Variants in HNF4A observed in about 807,000 individuals in gnomAD.
HNF4A encodes hepatocyte nuclear factor 4 alpha, also known as hepatocyte nuclear factor 4-alpha.
HNF4A carries 15 observed loss-of-function variants against 52.4 expected under a neutral mutation model. The observed-to-expected ratio is 0.29, with a 90% CI of 0.19 to 0.44. The LOEUF (loss-of-function observed/expected upper bound fraction) is 0.44, where lower values mean the gene tolerates loss of function less well. HNF4A is among the 20% of genes least tolerant of loss of function. HNF4A has a pLI of 1.00. For missense variants in HNF4A, 479 were observed against 647.2 expected (o/e 0.74, Z 2.82); for synonymous variants, 280 against 264.4 (o/e 1.06, Z -0.57).
chr20:44,356,909 G>T (rs747526269), intron 1 of HNF4A, among the ~76,000 whole-genome samples: 1 of 152,114 alleles, frequency 6.6e-6, no homozygotes, highest in Non-Finnish European at 1.5e-5. Flanking sequence ...TCTGTCACAC[G>T]GCTCAACATT....
chr20:44,384,622 A>G (rs567457564), intron 1 of HNF4A: 1 of 152,200 alleles, frequency 6.6e-6, no homozygotes, highest in Non-Finnish European at 1.5e-5. Context: ...ACTGGCCTTT[A>G]AAGCTTCTGC....
intron 1 of HNF4A, among the ~76,000 whole-genome samples, chr20:44,365,664 C>CTTAAAA (rs1330420814): frequency 6.6e-6 from 1 of 152,096 alleles, no homozygotes; most frequent in Non-Finnish European, 1.5e-5. Context: ...AAATGAAATT[C>CTTAAAA]TTAAAATTTA....
chr20:44,368,086 ATGTGTGTGTGTGTG>A, intron 1 of HNF4A, among the ~76,000 whole-genome samples: 3 of 102,252 alleles, frequency 2.9e-5, no homozygotes, highest in Middle Eastern at 5.0e-3. Context: ...ATATATATAT[ATGTGTGTGTGTGTG>A]TGTGTGTGTG....
intron 1 of HNF4A, among the ~76,000 whole-genome samples, chr20:44,392,261 G>A (rs1000108655): frequency 2.6e-5 from 4 of 152,140 alleles, no homozygotes; most frequent in African/African-American, 4.8e-5. Context: ...GATTTTGTGA[G>A]GAAACGATCA....
At chr20:44,372,641 G>A (rs1174626622) in intron 1 of HNF4A, 2 of 152,124 alleles carry the variant, frequency 1.3e-5, no homozygotes, top group Admixed American at 6.5e-5. Context: ...TAATTTGGGA[G>A]GTGGAGTTGG....
At chr20:44,420,591 C>T (rs2063730702) in intron 7 of HNF4A, among the ~76,000 whole-genome samples, 1 of 152,030 alleles carries the variant, frequency 6.6e-6, no homozygotes, top group Admixed American at 6.6e-5. Context: ...GCCAGCCTGG[C>T]CAACATAACA....
At chr20:44,413,602 A>T in intron 3 of HNF4A, 92 bp from the exon 4 acceptor site, 1 of 755,736 alleles carries the variant, frequency 1.3e-6, no homozygotes. Context: ...GACACCCCCC[A>T]CCTCCTGCTC....
intron 2 of HNF4A, among the ~76,000 whole-genome samples, chr20:44,406,688 G>A (rs150373196): frequency 1.1e-3 from 169 of 152,306 alleles, no homozygotes; most frequent in South Asian, 8.1e-3. Flanking sequence ...GCCCTCTTTC[G>A]AAAGCATCTC....
In HNF4A at chr20:44,401,321, C is replaced by A; in HGVS notation, c.-52C>A. 1 of 922,396 alleles carries A rather than the reference C, an allele frequency of 1.1e-6. No homozygotes were observed. Among genetic ancestry groups the A allele is most frequent in the Admixed American group, 1.8e-5 (1 of 55,046 alleles). The allele number at this position is 922,396 out of a possible 1,614,324, so 57.1% of individuals were successfully genotyped here. A position where few individuals can be genotyped will look rare whatever the true frequency, so the allele number is the denominator to read the frequency against. On this transcript the variant is annotated 5_prime_UTR_variant, in exon 1 of 10. Coordinates refer to ENST00000316099, the MANE Select transcript of HNF4A (RefSeq NM_000457.6). ...TGGGAGGGCGGAGGGCGGGGGCCTT[C>A]GGGGTGGGCGCCCAGGGTAGGGCAG... is the stretch of plus-strand genomic sequence containing the variant.
At chr20:44,384,321 AT>A (rs2146266016) in intron 1 of HNF4A, among the ~76,000 whole-genome samples, 1 of 152,226 alleles carries the variant, frequency 6.6e-6, no homozygotes, top group African/African-American at 2.4e-5. Context: ...TAGTAATAAT[AT>A]TTCTTTCTAA....
intron 1 of HNF4A, among the ~76,000 whole-genome samples, chr20:44,382,246 T>TG (rs2063163921): frequency 5.2e-5 from 2 of 38,200 alleles, no homozygotes; most frequent in African/African-American, 2.2e-4. Flanking sequence ...TCTTTCTTTC[T>TG]TTTTTTTTTT....
intron 1 of HNF4A, chr20:44,402,476 A>T: frequency 9.9e-7 from 1 of 1,012,714 alleles, no homozygotes; most frequent in Non-Finnish European, 1.4e-6. Context: ...GACTGCACAG[A>T]CCCAAATGCA....
At chr20:44,358,532 C>T (rs1399353321) in intron 1 of HNF4A, among the ~76,000 whole-genome samples, 4 of 152,246 alleles carry the variant, frequency 2.6e-5, no homozygotes, top group African/African-American at 9.6e-5. Flanking sequence ...CTCACTTGAA[C>T]CTGGGAGGTA....
chr20:44,414,915 C>G (rs2063641830), intron 5 of HNF4A, among the ~76,000 whole-genome samples: 1 of 152,314 alleles, frequency 6.6e-6, no homozygotes, highest in South Asian at 2.1e-4. Flanking sequence ...GATTGGGGCA[C>G]AGAGAGGTTA....
At chr20:44,389,607 T>C (rs939364271) in intron 1 of HNF4A, 32 of 152,240 alleles carry the variant, frequency 2.1e-4, no homozygotes, top group African/African-American at 7.7e-4. Context: ...GCTGAATAAA[T>C]GTTGACTGTT....
At chr20:44,411,729 G>T (rs117674188) in intron 3 of HNF4A, among the ~76,000 whole-genome samples, 1,660 of 152,282 alleles carry the variant, frequency 0.011, 19 homozygotes, top group Non-Finnish European at 0.015. Flanking sequence ...AATAGCTGGG[G>T]TGTCAATGTT....
At chr20:44,421,867 G>T (rs1472619985) in intron 7 of HNF4A, among the ~76,000 whole-genome samples, 1 of 146,678 alleles carries the variant, frequency 6.8e-6, no homozygotes, top group Non-Finnish European at 1.5e-5. Flanking sequence ...TATATATAGT[G>T]ATATATATTT....
chr20:44,415,468 AT>A (rs2063650488), intron 5 of HNF4A, among the ~76,000 whole-genome samples: 1 of 152,110 alleles, frequency 6.6e-6, no homozygotes, highest in African/African-American at 2.4e-5. Context: ...GGACAGATGA[AT>A]TTCGGAGATG....
At chr20:44,388,248 T>C (rs2063256137) in intron 1 of HNF4A, among the ~76,000 whole-genome samples, 4 of 151,912 alleles carry the variant, frequency 2.6e-5, no homozygotes, top group Admixed American at 2.6e-4. Flanking sequence ...CATCACGCCC[T>C]GCCTATCTTA....
Sources: gnomAD v4.1 joint callset for allele counts (sites outside exome capture counted in the v4.1 genomes callset) on GRCh38, gnomAD v4.1.1 for gene constraint, MANE v1.5 for transcripts, NCBI Gene and HGNC (gene_info 2026-07-23, HGNC 2026-07-21) for gene names.